ATP13A3: variants seen among roughly 807,000 people sequenced by gnomAD.
The protein encoded by ATP13A3 is polyamine-transporting ATPase 13A3.
ATP13A3 carries 59 observed loss-of-function variants against 158.1 expected under a neutral mutation model. The ratio of observed to expected loss-of-function variants is 0.37; its 90% confidence interval spans 0.30 to 0.46. The LOEUF (loss-of-function observed/expected upper bound fraction) is 0.46. ATP13A3 is among the 20% of genes least tolerant of loss of function. ATP13A3 has a pLI of 1.00. For missense variants in ATP13A3, 1,166 were observed against 1,525.2 expected, an observed-to-expected ratio of 0.76 and a Z score of 3.92; for synonymous variants, 491 against 504.3, an observed-to-expected ratio of 0.97 and a Z score of 0.35.
chr3:194,469,877 A>T (rs1720218193), intron 2 of ATP13A3, among the ~76,000 whole-genome samples: 1 of 152,216 alleles, frequency 6.6e-6, no homozygotes, highest in African/African-American at 2.4e-5. Context: ...TGTTGAAATA[A>T]AATATGCCCC....
Position 194,415,661 on chromosome 3 carries a change from CTTTTTTTTTTTT to C in ATP13A3, c.3403-1834_3403-1823del, listed in dbSNP as rs751005733. Reference sequence around the variant, plus strand: ...GTGCAAGGATTTACAATACCACATTCTTTTTTTTTTTTTTTTTTTTTTTTTTGAGACGGAGTC... The same window carrying C: ...GTGCAAGGATTTACAATACCACATTCTTTTTTTTTTTTTTGAGACGGAGTC... On this transcript the variant is annotated intron_variant, in intron 31 of 33. Transcript: ENST00000645319. Among the ~76,000 whole-genome samples the C allele has an allele frequency of 5.1e-4, 46 of 90,928 alleles. No individual in the cohort carries two copies. In the South Asian group the frequency reaches 7.7e-3, roughly 15 times the overall value. The allele number at this position is 90,928 out of a possible 152,430, so 59.7% of individuals were successfully genotyped here. A position where few individuals can be genotyped will look rare whatever the true frequency, so the allele number is the denominator to read the frequency against.
chr3:194,422,875 T>C (rs1182270767), intron 30 of ATP13A3, among the ~76,000 whole-genome samples: 2 of 151,032 alleles, frequency 1.3e-5, no homozygotes, highest in African/African-American at 4.9e-5. Context: ...TCCAGTTATG[T>C]CTTTAAAAGG....
intron 28 of ATP13A3, 78 bp downstream of exon 28, chr3:194,428,767 T>TGTA (rs1264946285): frequency 6.0e-6 from 6 of 999,670 alleles, no homozygotes; most frequent in Non-Finnish European, 7.6e-6. Context: ...CAATTGTTGA[T>TGTA]GTAAATTTAC....
intron 33 of ATP13A3, among the ~76,000 whole-genome samples, chr3:194,410,296 C>CAAAAAAAAAAAAAAAA (rs772008929): frequency 9.2e-5 from 2 of 21,820 alleles, no homozygotes; most frequent in African/African-American, 1.9e-4. Flanking sequence ...CTCCTCTCTG[C>CAAAAAAAAAAAAAAAA]AAAAAAAAAA....
At chr3:194,478,170 T>C (rs948110270) in intron 2 of ATP13A3, among the ~76,000 whole-genome samples, 1 of 152,080 alleles carries the variant, frequency 6.6e-6, no homozygotes, top group African/African-American at 2.4e-5. Context: ...TATTGCCAAT[T>C]TGATTTCATA....
intron 31 of ATP13A3, among the ~76,000 whole-genome samples, chr3:194,415,137 A>G (rs183286046): frequency 6.6e-6 from 1 of 152,354 alleles, no homozygotes; most frequent in East Asian, 1.9e-4. Context: ...AAGCATCACA[A>G]AATTTCAGAA....
At chr3:194,466,764 C>T (rs944514293) in intron 2 of ATP13A3, among the ~76,000 whole-genome samples, 2 of 152,066 alleles carry the variant, frequency 1.3e-5, no homozygotes, top group South Asian at 4.1e-4. Context: ...AATGAGAGAA[C>T]CACTTGAGCC....
chr3:194,470,217 T>C (rs1422665871), intron 2 of ATP13A3, among the ~76,000 whole-genome samples: 4 of 152,210 alleles, frequency 2.6e-5, no homozygotes, highest in Admixed American at 6.5e-5. Flanking sequence ...AGGAAGACCA[T>C]TGTATCCAAT....
At position 194,425,337 on chromosome 3, in the gene ATP13A3, C is replaced by A; in HGVS notation, c.3313+5G>T. On this transcript the variant is annotated splice_donor_5th_base_variant and intron_variant, in intron 30 of 33. Transcript: ENST00000645319. ...GGTGGAAATCACAATAAATGCCAAACTTACAATTTTTGTAGCAAGGTTGCC... is the reference window on the plus strand; with the variant it reads ...GGTGGAAATCACAATAAATGCCAAAATTACAATTTTTGTAGCAAGGTTGCC... 1 of 1,609,760 alleles carries A rather than the reference C, an allele frequency of 6.2e-7. No individual in the cohort carries two copies. Among genetic ancestry groups the A allele is most frequent in the Non-Finnish European group, 8.5e-7 (1 of 1,177,652 alleles).
intron 6 of ATP13A3, 55 bp downstream of exon 6, chr3:194,459,416 C>A: frequency 8.2e-7 from 1 of 1,225,240 alleles, no homozygotes; most frequent in Middle Eastern, 2.2e-4. Flanking sequence ...TCTTTTCTAT[C>A]TAGAACGTTT....
At chr3:194,445,781 T>G (rs1019057918) in intron 14 of ATP13A3, among the ~76,000 whole-genome samples, 9 of 152,214 alleles carry the variant, frequency 5.9e-5, no homozygotes, top group African/African-American at 1.9e-4. Flanking sequence ...CAGAAAAGTT[T>G]GATAGAAGGT....
intron 1 of ATP13A3, among the ~76,000 whole-genome samples, chr3:194,486,292 C>T (rs1214839325): frequency 1.3e-5 from 2 of 152,124 alleles, no homozygotes; most frequent in African/African-American, 2.4e-5. Context: ...CCACCTCCCA[C>T]AGGACTTTCC....
Position 194,402,972 on chromosome 3 carries a change from C to T in ATP13A3, c.*2947G>A, listed in dbSNP as rs528079897. 1 of 152,256 alleles carries T rather than the reference C, an allele frequency of 6.6e-6. No individual in the cohort carries two copies. The highest frequency in any genetic ancestry group is 2.4e-5 in the African/African-American group (1 of 41,542). The allele number at this position is 152,256 out of a possible 1,614,324, so 9.4% of individuals were successfully genotyped here. ...TACATTAAAAATGTGTAAATGCCCACAGACTGTACAAAAATTAACACCCCA... is the reference window on the plus strand; with the variant it reads ...TACATTAAAAATGTGTAAATGCCCATAGACTGTACAAAAATTAACACCCCA... On this transcript the variant is annotated 3_prime_UTR_variant, in exon 34 of 34. Coordinates refer to ENST00000645319, the MANE Select transcript of ATP13A3 (RefSeq NM_001367549.1).
chr3:194,459,728 G>A (rs902886025), intron 5 of ATP13A3, 61 bp downstream of exon 5: 1 of 1,514,964 alleles, frequency 6.6e-7, no homozygotes, highest in Non-Finnish European at 9.0e-7. Flanking sequence ...GAATATACAT[G>A]ATAGCATAAA....
chr3:194,419,812 C>T (rs1716158438), intron 31 of ATP13A3, 67 bp downstream of exon 31: 2 of 1,514,408 alleles, frequency 1.3e-6, no homozygotes, highest in Admixed American at 2.6e-5. Flanking sequence ...AAGAAGAGAT[C>T]CTGGAAAAAA....
At chr3:194,473,935 T>C (rs796184498) in intron 2 of ATP13A3, among the ~76,000 whole-genome samples, 58 of 152,182 alleles carry the variant, frequency 3.8e-4, no homozygotes, top group African/African-American at 1.3e-3. Flanking sequence ...ACCAAATAAC[T>C]CTGTGGATAT....
At chr3:194,411,931 T>A (rs902594275) in intron 33 of ATP13A3, among the ~76,000 whole-genome samples, 1 of 152,100 alleles carries the variant, frequency 6.6e-6, no homozygotes, top group Non-Finnish European at 1.5e-5. Flanking sequence ...TTTACACAAA[T>A]AGAAGATCAG....
At chr3:194,423,171 T>C (rs1458970000) in intron 30 of ATP13A3, among the ~76,000 whole-genome samples, 1 of 152,096 alleles carries the variant, frequency 6.6e-6, no homozygotes, top group Non-Finnish European at 1.5e-5. Context: ...TGAAGGCAGC[T>C]GAATGAGAAA....
At chr3:194,487,098 G>A (rs1721040656), upstream of ATP13A3, 1 of 151,902 alleles carries the variant, frequency 6.6e-6, no homozygotes, top group Non-Finnish European at 1.5e-5. Flanking sequence ...GGCGGGGAGG[G>A]GCGGGGCGAT....
Sources: allele counts gnomAD v4.1 joint callset (sites outside exome capture counted in the v4.1 genomes callset), GRCh38; gene constraint gnomAD v4.1.1; transcripts MANE v1.5; gene names NCBI Gene and HGNC (gene_info 2026-07-23, HGNC 2026-07-21).